The following LEPR variants were observed in gnomAD, a reference collection of about 807,000 sequenced individuals.
LEPR encodes the protein OB receptor.
A neutral mutation model predicts 114.7 loss-of-function variants in LEPR; 56 were observed. The ratio of observed to expected loss-of-function variants is 0.49; its 90% CI spans 0.39 to 0.61. LEPR has a LOEUF of 0.61. LEPR is among the 20% of genes least tolerant of loss of function. The pLI, the probability that LEPR is intolerant of heterozygous loss-of-function variation, is 0.00. For missense variants in LEPR, 1,202 were observed against 1,352.9 expected (o/e 0.89, Z 1.75); for synonymous variants, 443 against 461.4 (o/e 0.96, Z 0.51).
At chr1:65,526,016 G>A in intron 2 of LEPR, 1 of 821,574 alleles carries the variant, frequency 1.2e-6, no homozygotes, top group Non-Finnish European at 1.5e-6. Flanking sequence ...TGGGTGCGAC[G>A]CCGGGCGACT....
At chr1:65,550,954 A>G (rs1395924207) in intron 2 of LEPR, among the ~76,000 whole-genome samples, 1 of 151,770 alleles carries the variant, frequency 6.6e-6, no homozygotes, top group Non-Finnish European at 1.5e-5. Flanking sequence ...CTATTCGGCC[A>G]CCTTGGCTCC....
intron 2 of LEPR, among the ~76,000 whole-genome samples, chr1:65,428,681 TGTG>T (rs1301900081): frequency 1.3e-5 from 2 of 152,168 alleles, no homozygotes; most frequent in East Asian, 1.9e-4. Context: ...ATTACAGTAT[TGTG>T]GTGATATGAA....
At chr1:65,592,552 G>C in intron 5 of LEPR, 105 bp from the exon 6 acceptor site, 1 of 1,217,438 alleles carries the variant, frequency 8.2e-7, no homozygotes, top group Non-Finnish European at 1.2e-6. Context: ...TTTAAGCTGG[G>C]TGTCCCAAAT....
At chr1:65,550,677 A>G (rs1364417793) in intron 2 of LEPR, among the ~76,000 whole-genome samples, 2 of 152,182 alleles carry the variant, frequency 1.3e-5, no homozygotes, top group East Asian at 1.9e-4. Context: ...GGAAAAGCTC[A>G]GTATTCAGGT....
intron 6 of LEPR, among the ~76,000 whole-genome samples, chr1:65,594,113 TG>T (rs1655887243): frequency 6.6e-6 from 1 of 152,038 alleles, no homozygotes; most frequent in African/African-American, 2.4e-5. Context: ...ACTGGTGTGA[TG>T]GAGTGTCAGG....
chr1:65,547,915 G>C (rs1179556335), intron 2 of LEPR, among the ~76,000 whole-genome samples: 1 of 146,744 alleles, frequency 6.8e-6, no homozygotes, highest in Admixed American at 7.0e-5. Flanking sequence ...GTCAATTTTG[G>C]ATCTTTCCTG....
At chr1:65,596,253 T>C (rs1656055597) in intron 6 of LEPR, among the ~76,000 whole-genome samples, 195 bp from the exon 7 acceptor site, 1 of 152,090 alleles carries the variant, frequency 6.6e-6, no homozygotes, top group African/African-American at 2.4e-5. Flanking sequence ...TATACATGGA[T>C]TGCTATGATA....
chr1:65,638,271 A>G lies in LEPR; in HGVS notation c.*1256A>G, dbSNP rs1658775224. On this transcript the variant is annotated 3_prime_UTR_variant, in exon 20 of 20. Coordinates refer to ENST00000349533, the MANE Select transcript of LEPR (RefSeq NM_002303.6). The stretch of plus-strand genomic sequence containing the variant: ...GTAGAAGTATAATGCTGGATGAGAA[A>G]TTAAGTGAGAATTGCACAGATCTCA... 6.6e-6 allele frequency: 1 copy of G among 152,222 alleles called. No homozygotes were observed. Among genetic ancestry groups the G allele is most frequent in the African/African-American group, 2.4e-5 (1 of 41,464 alleles). The allele number at this position is 152,222 out of a possible 1,614,324, so 9.4% of individuals were successfully genotyped here.
chr1:65,581,562 C>G (rs1057284240), intron 5 of LEPR, among the ~76,000 whole-genome samples: 4 of 151,974 alleles, frequency 2.6e-5, no homozygotes, highest in African/African-American at 7.3e-5. Context: ...GTGGATCTCT[C>G]TGGTGTTCAC....
chr1:65,433,094 G>T (rs375637482), intron 2 of LEPR: 1 of 985,386 alleles, frequency 1.0e-6, no homozygotes, highest in South Asian at 4.7e-5. Flanking sequence ...GTTAGCAGGA[G>T]GGGGAGAACA....
intron 10 of LEPR, among the ~76,000 whole-genome samples, chr1:65,602,790 T>C (rs771998188): frequency 6.6e-6 from 1 of 152,140 alleles, no homozygotes; most frequent in Non-Finnish European, 1.5e-5. Context: ...CTATTCCTAA[T>C]GCTGCCAGTC....
rs1052636974 is a variant in LEPR at position 65,620,028 on chromosome 1, A to G, written c.2491+5A>G. On this transcript the variant is annotated splice_donor_5th_base_variant and intron_variant, in intron 17 of 19. Transcript: ENST00000349533. ...TAATTAATAGTTTCACTCAAGGTAA[A>G]AATTATAATTTTAGTTTCCTTTTAC... The G allele has an allele frequency of 3.9e-5, 63 of 1,602,868 alleles. No homozygotes were observed. Among genetic ancestry groups the G allele is most frequent in the Non-Finnish European group, 5.4e-5 (63 of 1,170,660 alleles).
intron 19 of LEPR, among the ~76,000 whole-genome samples, chr1:65,628,993 C>T (rs569061742): frequency 1.3e-5 from 2 of 152,134 alleles, no homozygotes; most frequent in South Asian, 4.1e-4. Context: ...GGTATGTCAC[C>T]TTTTTATTTC....
At chr1:65,429,854 A>G (rs368547552) in intron 2 of LEPR, 27 of 1,454,700 alleles carry the variant, frequency 1.9e-5, no homozygotes, top group African/African-American at 5.7e-5. Context: ...CCTGGGTCCA[A>G]CTGACAGCGT....
rs933582005 is a variant in LEPR, at chr1:65,637,078, G to A, written c.*63G>A. 4 of 1,255,050 alleles carry A rather than the reference G, an allele frequency of 3.2e-6. No individual in the cohort carries two copies. In the African/African-American group the frequency reaches 5.0e-5, roughly 16 times the overall value. The allele number at this position is 1,255,050 out of a possible 1,614,324, so 77.7% of individuals were successfully genotyped here. On this transcript the variant is annotated 3_prime_UTR_variant, in exon 20 of 20. Coordinates refer to ENST00000349533, the MANE Select transcript of LEPR (RefSeq NM_002303.6). ...GTAATATAAAGTGTAATAGATTATAGTTGTGGGTGGGAGAGAGAAAAGAAA... is the reference window on the plus strand; with the variant it reads ...GTAATATAAAGTGTAATAGATTATAATTGTGGGTGGGAGAGAGAAAAGAAA...
At chr1:65,447,095 G>T (rs2100305840) in intron 2 of LEPR, among the ~76,000 whole-genome samples, 1 of 152,172 alleles carries the variant, frequency 6.6e-6, no homozygotes, top group Middle Eastern at 3.4e-3. Flanking sequence ...GCCTCCCAAA[G>T]TGCTAGGATT....
intron 2 of LEPR, among the ~76,000 whole-genome samples, chr1:65,426,756 T>C (rs1456984110): frequency 6.6e-6 from 1 of 152,180 alleles, no homozygotes; most frequent in African/African-American, 2.4e-5. Context: ...CCCAGCACTT[T>C]GGGAGGCTGA....
At chr1:65,544,609 TC>T (rs1184659583) in intron 2 of LEPR, among the ~76,000 whole-genome samples, 1 of 151,742 alleles carries the variant, frequency 6.6e-6, no homozygotes, top group Non-Finnish European at 1.5e-5. Context: ...TTAGATATGT[TC>T]CATCAATACC....
Position 65,426,173 on chromosome 1 carries a change from A to T in LEPR, c.-21+795A>T, listed in dbSNP as rs369762127. Among the ~76,000 whole-genome samples, 12 of 152,324 alleles carry T rather than the reference A, an allele frequency of 7.9e-5. 1 individual carries two copies. The highest frequency in any genetic ancestry group is 3.3e-4 in the Admixed American group (5 of 15,306). Reference sequence around the variant, plus strand: ...TGTCAAGAAAATCAGCAAGCAGGCCATACAGATCTCTAGGGAAAAAGCACT... The same window carrying T: ...TGTCAAGAAAATCAGCAAGCAGGCCTTACAGATCTCTAGGGAAAAAGCACT... On this transcript the variant is annotated intron_variant, in intron 2 of 19. Coordinates refer to ENST00000349533, the MANE Select transcript of LEPR (RefSeq NM_002303.6).
Sources: gnomAD v4.1 joint callset for allele counts (sites outside exome capture counted in the v4.1 genomes callset) on GRCh38, gnomAD v4.1.1 for gene constraint, MANE v1.5 for transcripts, NCBI Gene and HGNC (gene_info 2026-07-23, HGNC 2026-07-21) for gene names.